PTPRZ1: variants seen among roughly 807,000 people sequenced by gnomAD.
PTPRZ1 encodes protein tyrosine phosphatase receptor type Z1.
PTPRZ1 carries 82 observed loss-of-function variants against 214.1 expected under a neutral mutation model. That is an observed-to-expected ratio of 0.38 (90% CI 0.32 to 0.46). The LOEUF is 0.46. Ranked by LOEUF, PTPRZ1 falls within the 20% of genes least tolerant of loss-of-function variation. The pLI is 1.00. For synonymous variants in PTPRZ1, 945 were observed against 987.9 expected, an observed-to-expected ratio of 0.96 and a Z score of 0.81; for missense variants, 2,603 against 2,748.7, an observed-to-expected ratio of 0.95 and a Z score of 1.19.
intron 1 of PTPRZ1, 24 bp from the exon 2 acceptor site, chr7:121,928,132 T>G (rs1298370642): frequency 6.5e-7 from 1 of 1,550,348 alleles, no homozygotes; most frequent in Non-Finnish European, 8.9e-7. Flanking sequence ...TACATACTGA[T>G]TACTTGGTTT....
chr7:121,925,307 A>G (rs1342215988), intron 1 of PTPRZ1, among the ~76,000 whole-genome samples: 1 of 152,222 alleles, frequency 6.6e-6, no homozygotes, highest in Non-Finnish European at 1.5e-5. Context: ...AACTTAAATC[A>G]GTTTAGTCTT....
At chr7:121,919,283 G>A (rs1282162048) in intron 1 of PTPRZ1, among the ~76,000 whole-genome samples, 1 of 152,004 alleles carries the variant, frequency 6.6e-6, no homozygotes, top group South Asian at 2.1e-4. Context: ...TTTGACACCA[G>A]TAAAGTCTCA....
rs773011049 is a variant in PTPRZ1 at position 121,996,431 on chromosome 7, C to T, written c.978C>T (p.Thr326=). ...TTCAGGCTGACCCAGAGAATTATAC[C>T]AGCCTTCTTGTTACATGGGAAAGAC... ...ENVQADPENY[T]SLLVTWERPR... The change falls in exon 9 of 30, where the codon ACC becomes ACT. Residue 326 remains threonine, a synonymous_variant. Coordinates refer to ENST00000393386, the MANE Select transcript of PTPRZ1 (RefSeq NM_002851.3). 8 of 1,612,554 alleles carry T rather than the reference C, an allele frequency of 5.0e-6. No individual in the cohort carries two copies. The highest frequency in any genetic ancestry group is 6.8e-6 in the Non-Finnish European group (8 of 1,179,176).
intron 10 of PTPRZ1, among the ~76,000 whole-genome samples, chr7:122,004,100 T>C (rs924244786): frequency 1.3e-5 from 2 of 152,082 alleles, no homozygotes; most frequent in Non-Finnish European, 2.9e-5. Context: ...GAGGCCAGAT[T>C]TGAGGAGTAA....
chr7:121,998,744 C>T (rs1205501617), intron 10 of PTPRZ1, among the ~76,000 whole-genome samples: 1 of 151,974 alleles, frequency 6.6e-6, no homozygotes, highest in Admixed American at 6.6e-5. Flanking sequence ...ATAGAATAGA[C>T]GTGCATATAT....
In PTPRZ1 at chr7:122,054,977, G is replaced by A. The variant is rs1458769785; in HGVS notation, c.6418G>A (p.Glu2140Lys). 3.7e-6 allele frequency: 6 copies of A among 1,605,920 alleles called. No individual in the cohort carries two copies. The highest frequency in any genetic ancestry group is 5.1e-6 in the Non-Finnish European group (6 of 1,176,370). The change falls in exon 27 of 30, where the codon GAG becomes AAG. Residue 2140 changes from glutamate (E) to lysine (K), a missense_variant. Physicochemically the swap from Glu to Lys is moderately conservative, Grantham distance 56 (BLOSUM62 1). Transcript: ENST00000393386. ...DEFVYWPNKD[E>K]PINCESFKVT... ...ATTTGTTTACTGGCCAAATAAAGATGAGCCTATAAATTGTGAGAGCTTTAA... is the reference window on the plus strand; with the variant it reads ...ATTTGTTTACTGGCCAAATAAAGATAAGCCTATAAATTGTGAGAGCTTTAA...
intron 1 of PTPRZ1, among the ~76,000 whole-genome samples, chr7:121,888,424 A>G (rs1230021069): frequency 6.6e-6 from 1 of 152,110 alleles, no homozygotes; most frequent in Non-Finnish European, 1.5e-5. Flanking sequence ...TGTTCAATAA[A>G]AGATGGCTGA....
At position 122,010,402 on chromosome 7, in the gene PTPRZ1, C is replaced by A. The variant is rs770195782; in HGVS notation, c.1356C>A (p.Asn452Lys). ...ATCCTGGTAGAGACAGTGCTACAAA[C>A]CAAATCAGGAAAAAGGAACCCCAGA... ...IVNPGRDSAT[N>K]QIRKKEPQIS... Residue 452 changes from asparagine to lysine, a missense_variant, in exon 12 of 30, where the codon AAC becomes AAA. Physicochemically the swap from Asn to Lys is moderately conservative, Grantham distance 94. Coordinates refer to ENST00000393386, the MANE Select transcript of PTPRZ1 (RefSeq NM_002851.3). 1 of 1,613,854 alleles carries A rather than the reference C, an allele frequency of 6.2e-7. No individual in the cohort carries two copies. Among genetic ancestry groups the A allele is most frequent in the Non-Finnish European group, 8.5e-7 (1 of 1,179,950 alleles).
intron 11 of PTPRZ1, among the ~76,000 whole-genome samples, chr7:122,006,402 C>G (rs1354749808): frequency 1.3e-5 from 2 of 152,070 alleles, no homozygotes; most frequent in African/African-American, 4.8e-5. Context: ...CCCCTCGCCA[C>G]TACATTTCTC....
chr7:122,002,242 G>T (rs1000648790), intron 10 of PTPRZ1, among the ~76,000 whole-genome samples: 18 of 152,192 alleles, frequency 1.2e-4, no homozygotes, highest in African/African-American at 4.3e-4. Context: ...GGGAATTTCA[G>T]TCAGTTCAAA....
chr7:121,889,549 A>T (rs1177716058), intron 1 of PTPRZ1, among the ~76,000 whole-genome samples: 1 of 152,194 alleles, frequency 6.6e-6, no homozygotes, highest in East Asian at 1.9e-4. Flanking sequence ...GGTTAAAATA[A>T]TAGGTGTTTC....
chr7:121,930,526 G>A (rs1375432374), intron 2 of PTPRZ1, among the ~76,000 whole-genome samples: 1 of 152,034 alleles, frequency 6.6e-6, no homozygotes, highest in Non-Finnish European at 1.5e-5. Flanking sequence ...TAACAGATAT[G>A]TTCAAATTAA....
At position 122,008,240 on chromosome 7, in the gene PTPRZ1, A is replaced by C. The variant is rs572135472; in HGVS notation, c.1288-2094A>C. 2.2e-4 allele frequency among the ~76,000 whole-genome samples: 34 copies of C among 152,252 alleles called. 1 individual carries two copies. In the South Asian group the frequency reaches 7.0e-3, roughly 32 times the overall value. The stretch of plus-strand genomic sequence containing the variant: ...GACATTGTTAGATCATATAGAGAAA[A>C]TGGATGACATATCTTTGGGGAACTT... On this transcript the variant is annotated intron_variant, in intron 11 of 29. Transcript: ENST00000393386.
chr7:121,958,247 A>G (rs1210311023), intron 2 of PTPRZ1, among the ~76,000 whole-genome samples: 1 of 152,130 alleles, frequency 6.6e-6, no homozygotes, highest in Non-Finnish European at 1.5e-5. Flanking sequence ...TGGGGTTTGG[A>G]GTTGGGAAAT....
Position 122,011,149 on chromosome 7 carries a change from G to A in PTPRZ1, c.2103G>A (p.Gln701=), listed in dbSNP as rs1431600486. 1 of 1,614,088 alleles carries A rather than the reference G, an allele frequency of 6.2e-7. No individual in the cohort carries two copies. Among genetic ancestry groups the A allele is most frequent in the African/African-American group, 1.3e-5 (1 of 75,016 alleles). Residue 701 remains glutamine (Q), a synonymous_variant, in exon 12 of 30, where the codon CAG becomes CAA. Transcript: ENST00000393386. ...KSFSAGPVMS[Q]GPSVTDLEMP... is the part of the protein sequence containing the mutation. Reference sequence around the variant, plus strand: ...TTTCTGCAGGCCCAGTGATGTCACAGGGTCCCTCAGTTACAGATCTGGAAA... The same window carrying A: ...TTTCTGCAGGCCCAGTGATGTCACAAGGTCCCTCAGTTACAGATCTGGAAA...
intron 2 of PTPRZ1, among the ~76,000 whole-genome samples, chr7:121,957,290 C>T (rs979634631): frequency 3.3e-5 from 5 of 152,106 alleles, no homozygotes; most frequent in South Asian, 2.1e-4. Flanking sequence ...TATCTCCTTT[C>T]GCATCCCCTT....
chr7:122,027,127 T>C (rs543203988), intron 13 of PTPRZ1, among the ~76,000 whole-genome samples: 53 of 152,228 alleles, frequency 3.5e-4, no homozygotes, highest in African/African-American at 1.2e-3. Context: ...TTAGCTGTCA[T>C]GATCAGGGGA....
rs766481181 is a variant in PTPRZ1, at chr7:121,997,908, A to G, written c.1142A>G (p.Asn381Ser). 7.5e-6 allele frequency: 12 copies of G among 1,609,774 alleles called. No individual in the cohort carries two copies. The highest frequency in any genetic ancestry group is 1.7e-5 in the Admixed American group (1 of 59,786). The change falls in exon 10 of 30, where the codon AAT becomes AGT. Residue 381 changes from asparagine (N) to serine (S), a missense_variant. By Grantham distance (46) the Asn-to-Ser change is conservative. This residue lies in a region of PTPRZ1 where 244 missense variants were observed against 333.2 expected (regional missense o/e 0.73). Coordinates refer to ENST00000393386, the MANE Select transcript of PTPRZ1 (RefSeq NM_002851.3). ...LGAILNNLLP[N>S]MSYVLQIVAI... ...GCTATTCTCAATAATTTGCTACCCA[A>G]TATGAGTTATGTTCTTCAGATAGTA...
At chr7:121,964,406 A>T (rs890893548) in intron 2 of PTPRZ1, among the ~76,000 whole-genome samples, 5 of 152,170 alleles carry the variant, frequency 3.3e-5, no homozygotes, top group Non-Finnish European at 7.3e-5. Flanking sequence ...CGAAGGGGGA[A>T]GCCCCTTATA....
Sources: gnomAD v4.1 joint callset for allele counts (sites outside exome capture counted in the v4.1 genomes callset) on GRCh38, gnomAD v4.1.1 for gene constraint, gnomAD v4.1.1 regional missense constraint, MANE v1.5 for transcripts, NCBI Gene and HGNC (gene_info 2026-07-23, HGNC 2026-07-21) for gene names.